NIBAN1: variants seen among roughly 807,000 people sequenced by gnomAD.
NIBAN1 encodes the protein protein Niban 1.
In NIBAN1, 81 loss-of-function variants were observed where a neutral mutation model predicts 75.1. The observed-to-expected ratio is 1.08, with a 90% CI of 0.90 to 1.30. The LOEUF (loss-of-function observed/expected upper bound fraction) is 1.30, where lower values mean the gene tolerates loss of function less well. Among genes scored for constraint, NIBAN1 ranks in the 50% most tolerant of loss-of-function variants. NIBAN1 has a pLI of 0.00. For missense variants in NIBAN1, 1,133 were observed against 1,128.1 expected (o/e 1.00, Z -0.06); for synonymous variants, 436 against 424.8 (o/e 1.03, Z -0.32).
intron 5 of NIBAN1, among the ~76,000 whole-genome samples, chr1:184,854,370 C>G (rs1655621556): frequency 6.6e-6 from 1 of 152,180 alleles, no homozygotes; most frequent in Non-Finnish European, 1.5e-5. Context: ...TTGACTTTTT[C>G]TATAATTCAT....
chr1:184,846,972 T>C lies in NIBAN1; in HGVS notation c.602-15010A>G, dbSNP rs1655454918. Among the ~76,000 whole-genome samples, 4 of 85,142 alleles carry C rather than the reference T, an allele frequency of 4.7e-5. 2 individuals carry two copies. The highest frequency in any genetic ancestry group is 9.3e-5 in the Non-Finnish European group (4 of 43,042). 55.9% of individuals were successfully genotyped at this position (85,142 alleles called of 152,430 possible). On this transcript the variant is annotated intron_variant, in intron 5 of 13. Transcript: ENST00000367511. ...AAAGCCTCCAAGAAATATGGGACTATGTGAAAAGACCAAATCTACGTCTGA... is the reference window on the plus strand; with the variant it reads ...AAAGCCTCCAAGAAATATGGGACTACGTGAAAAGACCAAATCTACGTCTGA...
At chr1:184,958,687 C>T (rs567825512) in intron 1 of NIBAN1, among the ~76,000 whole-genome samples, 1 of 152,308 alleles carries the variant, frequency 6.6e-6, no homozygotes, top group East Asian at 1.9e-4. Flanking sequence ...ATTATCATTT[C>T]TCAGGCCAGG....
At chr1:184,930,660 C>T (rs1163445722) in intron 1 of NIBAN1, among the ~76,000 whole-genome samples, 2 of 152,116 alleles carry the variant, frequency 1.3e-5, no homozygotes, top group African/African-American at 4.8e-5. Flanking sequence ...AACTGGTACA[C>T]GTAGTGGGTA....
intron 1 of NIBAN1, among the ~76,000 whole-genome samples, chr1:184,916,956 A>T (rs1189924339): frequency 6.6e-6 from 1 of 152,174 alleles, no homozygotes; most frequent in Non-Finnish European, 1.5e-5. Context: ...CACTAACACC[A>T]GTCAAGAATA....
intron 6 of NIBAN1, among the ~76,000 whole-genome samples, chr1:184,824,271 C>T (rs1314464648): frequency 1.3e-5 from 2 of 151,998 alleles, no homozygotes; most frequent in South Asian, 2.1e-4. Context: ...GTTTAGTAAA[C>T]GAAGGGAGGA....
intron 1 of NIBAN1, among the ~76,000 whole-genome samples, chr1:184,948,274 C>T (rs1658278375): frequency 6.6e-6 from 1 of 152,068 alleles, no homozygotes; most frequent in African/African-American, 2.4e-5. Flanking sequence ...AACTCCTGTT[C>T]AAAGCATATA....
intron 5 of NIBAN1, among the ~76,000 whole-genome samples, chr1:184,843,661 G>T (rs965031607): frequency 6.6e-6 from 1 of 152,132 alleles, no homozygotes; most frequent in Non-Finnish European, 1.5e-5. Context: ...ATATGGCTTT[G>T]TATGGGAAGA....
rs776156072 is a variant in NIBAN1, at chr1:184,795,688, A to G, written c.2076T>C (p.Asp692=). The G allele has an allele frequency of 6.8e-6, 11 of 1,614,066 alleles. No homozygotes were observed. The Admixed American group carries it at 1.8e-4, about 27-fold the overall frequency. ...SELEFGGTLE[D]EEPAQEEPEP... is the part of the protein sequence containing the mutation. The stretch of plus-strand genomic sequence containing the variant: ...CTGGCTCTTCCTGGGCGGGTTCTTC[A>G]TCCTCAAGGGTCCCTCCAAACTCCA... The change falls in exon 14 of 14, where the codon GAT becomes GAC. Residue 692 remains aspartate (D), a synonymous_variant. Transcript: ENST00000367511.
At chr1:184,902,613 C>T (rs1223937016) in intron 1 of NIBAN1, among the ~76,000 whole-genome samples, 1 of 152,162 alleles carries the variant, frequency 6.6e-6, no homozygotes, top group African/African-American at 2.4e-5. Flanking sequence ...TGCACTAGGG[C>T]CATCCTGCCC....
At chr1:184,825,752 G>A (rs890181446) in intron 6 of NIBAN1, among the ~76,000 whole-genome samples, 1 of 152,086 alleles carries the variant, frequency 6.6e-6, no homozygotes, top group African/African-American at 2.4e-5. Context: ...CTTTCACCAC[G>A]AGTCTTTCAA....
At chr1:184,888,660 G>C (rs956337314) in intron 4 of NIBAN1, among the ~76,000 whole-genome samples, 2 of 152,132 alleles carry the variant, frequency 1.3e-5, no homozygotes, top group African/African-American at 4.8e-5. Flanking sequence ...TAATCACACA[G>C]GACTTGTGTT....
chr1:184,956,539 G>T (rs914799342), intron 1 of NIBAN1, among the ~76,000 whole-genome samples: 6 of 152,184 alleles, frequency 3.9e-5, no homozygotes, highest in Non-Finnish European at 7.3e-5. Flanking sequence ...GCACATTTAA[G>T]TTGCTGCATA....
At chr1:184,879,434 C>A (rs1449089403) in intron 5 of NIBAN1, among the ~76,000 whole-genome samples, 1 of 152,052 alleles carries the variant, frequency 6.6e-6, no homozygotes, top group Non-Finnish European at 1.5e-5. Flanking sequence ...ATATTACAAA[C>A]TAAAATTCAT....
chr1:184,893,959 C>G lies in NIBAN1; in HGVS notation c.318+116G>C. On this transcript the variant is annotated intron_variant, in intron 3 of 13. Coordinates refer to ENST00000367511, the MANE Select transcript of NIBAN1 (RefSeq NM_052966.4). ...AATGAATCAGTCTCTATTTTTGTAC[C>G]AGTACCATGCTGATTTTGTTAGTAT... 3.9e-6 allele frequency: 4 copies of G among 1,037,444 alleles called. No individual in the cohort carries two copies. In the South Asian group the frequency reaches 5.5e-5, roughly 14 times the overall value. 64.3% of individuals were successfully genotyped at this position (1,037,444 alleles called of 1,614,324 possible). A position where few individuals can be genotyped will look rare whatever the true frequency, so the allele number is the denominator to read the frequency against.
intron 1 of NIBAN1, among the ~76,000 whole-genome samples, chr1:184,935,793 T>G (rs1168837738): frequency 4.6e-5 from 7 of 151,124 alleles, no homozygotes; most frequent in Non-Finnish European, 3.0e-5. Context: ...AGTTAGGGTT[T>G]TTTTTTTTTT....
chr1:184,800,693 A>G (rs993907199), intron 12 of NIBAN1, among the ~76,000 whole-genome samples: 4 of 152,206 alleles, frequency 2.6e-5, no homozygotes, highest in Admixed American at 1.3e-4. Context: ...TGGCGCAACT[A>G]TATCTACGCC....
At chr1:184,869,805 G>C (rs1021675477) in intron 5 of NIBAN1, among the ~76,000 whole-genome samples, 6 of 152,098 alleles carry the variant, frequency 3.9e-5, no homozygotes, top group African/African-American at 9.7e-5. Context: ...GCCTCCCAAC[G>C]TGCTAGGATT....
intron 1 of NIBAN1, among the ~76,000 whole-genome samples, chr1:184,969,958 G>A (rs574313881): frequency 6.6e-6 from 1 of 152,046 alleles, no homozygotes; most frequent in Non-Finnish European, 1.5e-5. Flanking sequence ...TTGAGCTCAG[G>A]AGTTTGAGAT....
intron 5 of NIBAN1, among the ~76,000 whole-genome samples, chr1:184,835,266 T>C (rs1655106447): frequency 6.6e-6 from 1 of 152,242 alleles, no homozygotes; most frequent in Non-Finnish European, 1.5e-5. Flanking sequence ...TAGTTTGAAG[T>C]CAGGTAGCGT....
Sources: gnomAD v4.1 joint callset for allele counts (sites outside exome capture counted in the v4.1 genomes callset) on GRCh38, gnomAD v4.1.1 for gene constraint, MANE v1.5 for transcripts, NCBI Gene and HGNC (gene_info 2026-07-23, HGNC 2026-07-21) for gene names.